Variants in CCSER2 observed in about 807,000 individuals in gnomAD.
The protein encoded by CCSER2 is coiled-coil serine rich protein 2, also known as serine-rich coiled-coil domain-containing protein 2.
A neutral mutation model predicts 92.3 loss-of-function variants in CCSER2; 46 were observed. The ratio of observed to expected loss-of-function variants is 0.50; its 90% CI spans 0.39 to 0.64. The LOEUF is 0.64. Ranked by LOEUF, CCSER2 falls within the 30% of genes least tolerant of loss-of-function variation. The pLI is 0.00. For synonymous variants in CCSER2, 433 were observed against 431.4 expected, an observed-to-expected ratio of 1.00 and a Z score of -0.04; for missense variants, 1,244 against 1,238.9, an observed-to-expected ratio of 1.00 and a Z score of -0.06.
intron 8 of CCSER2, among the ~76,000 whole-genome samples, chr10:84,472,482 C>G (rs1846873310): frequency 6.6e-6 from 1 of 152,002 alleles, no homozygotes; most frequent in Non-Finnish European, 1.5e-5. Flanking sequence ...TGAGGCAGAA[C>G]AATCACTTGA....
chr10:84,493,970 A>G (rs1429843893), intron 9 of CCSER2, among the ~76,000 whole-genome samples: 1 of 152,200 alleles, frequency 6.6e-6, no homozygotes, highest in African/African-American at 2.4e-5. Context: ...CATAAGGAGC[A>G]AGCAACCTAG....
intron 3 of CCSER2, chr10:84,391,739 A>T: frequency 6.7e-7 from 1 of 1,499,452 alleles, no homozygotes; most frequent in Admixed American, 1.7e-5. Flanking sequence ...GGTGGCCCCC[A>T]TGCTACAGCA....
chr10:84,509,098 G>T (rs890292507), intron 9 of CCSER2, among the ~76,000 whole-genome samples: 11 of 152,130 alleles, frequency 7.2e-5, no homozygotes, highest in East Asian at 1.9e-4. Context: ...AGTATTTCCT[G>T]CTATCCTTCT....
chr10:84,497,639 GTT>G (rs1243774799), intron 9 of CCSER2, among the ~76,000 whole-genome samples: 1 of 152,146 alleles, frequency 6.6e-6, no homozygotes, highest in Non-Finnish European at 1.5e-5. Flanking sequence ...TCAGTAAATA[GTT>G]AACTTAGTGT....
At chr10:84,419,263 G>T (rs1843019197) in intron 4 of CCSER2, among the ~76,000 whole-genome samples, 1 of 151,062 alleles carries the variant, frequency 6.6e-6, no homozygotes, top group African/African-American at 2.4e-5. Context: ...GTATTCTAAA[G>T]AACTGCTTAG....
At chr10:84,419,410 C>T (rs1843032535) in intron 4 of CCSER2, among the ~76,000 whole-genome samples, 1 of 151,842 alleles carries the variant, frequency 6.6e-6, no homozygotes, top group Non-Finnish European at 1.5e-5. Flanking sequence ...GCTAACCTGA[C>T]AACTATCTTC....
intron 9 of CCSER2, among the ~76,000 whole-genome samples, chr10:84,503,724 T>G (rs1041004852): frequency 2.6e-5 from 4 of 152,190 alleles, no homozygotes; most frequent in African/African-American, 4.8e-5. Flanking sequence ...TTGATAAATT[T>G]AGAAATCCTA....
At chr10:84,386,640 AC>A (rs1344593682) in intron 3 of CCSER2, among the ~76,000 whole-genome samples, 5 of 152,120 alleles carry the variant, frequency 3.3e-5, no homozygotes, top group Admixed American at 3.3e-4. Flanking sequence ...AATCACTCGA[AC>A]CCAGGCAGAG....
rs529686415 is a variant in CCSER2, at chr10:84,501,080, A to C, written c.2326-12369A>C. Among the ~76,000 whole-genome samples the C allele has an allele frequency of 3.3e-5, 5 of 152,254 alleles. No homozygotes were observed. In the East Asian group the frequency reaches 9.7e-4, roughly 29 times the overall value. ...CAAGTTCGTTTGTTTACTGGAAGCAATGAGAAAAGGAGTTTTTTTGTCCTC... is the reference window on the plus strand; with the variant it reads ...CAAGTTCGTTTGTTTACTGGAAGCACTGAGAAAAGGAGTTTTTTTGTCCTC... On this transcript the variant is annotated intron_variant, in intron 9 of 9. Coordinates refer to ENST00000372088, the MANE Select transcript of CCSER2 (RefSeq NM_001284240.2).
At chr10:84,365,969 C>T (rs544798810) in intron 1 of CCSER2, among the ~76,000 whole-genome samples, 3 of 152,268 alleles carry the variant, frequency 2.0e-5, no homozygotes, top group African/African-American at 7.2e-5. Flanking sequence ...AGACCATTAT[C>T]AAAAATGAGG....
chr10:84,356,257 A>G (rs17256160), intron 1 of CCSER2, among the ~76,000 whole-genome samples: 2 of 152,066 alleles, frequency 1.3e-5, no homozygotes, highest in African/African-American at 4.8e-5. Flanking sequence ...AGAGGCAAAC[A>G]TTGCACCTAA....
At chr10:84,441,326 A>G (rs940482429) in intron 6 of CCSER2, among the ~76,000 whole-genome samples, 2 of 152,086 alleles carry the variant, frequency 1.3e-5, no homozygotes, top group Admixed American at 6.5e-5. Flanking sequence ...CATATTTTCA[A>G]TTTCCAAGAA....
chr10:84,426,931 A>G (rs1239171376), intron 5 of CCSER2, among the ~76,000 whole-genome samples: 3 of 152,228 alleles, frequency 2.0e-5, no homozygotes, highest in African/African-American at 7.2e-5. Flanking sequence ...AAGAAAAGAG[A>G]GGGTCCCTGG....
chr10:84,341,745 G>A (rs1844199898), intron 1 of CCSER2, among the ~76,000 whole-genome samples: 1 of 152,148 alleles, frequency 6.6e-6, no homozygotes, highest in Non-Finnish European at 1.5e-5. Flanking sequence ...GGGTTCCCAT[G>A]ACCCCCTTCT....
intron 3 of CCSER2, among the ~76,000 whole-genome samples, chr10:84,385,894 G>A (rs1272539656): frequency 2.0e-5 from 3 of 151,552 alleles, no homozygotes; most frequent in Admixed American, 6.6e-5. Context: ...GAAAAAAAAT[G>A]TATAACTCCA....
At chr10:84,458,173 T>C (rs945995275) in intron 6 of CCSER2, among the ~76,000 whole-genome samples, 1 of 152,230 alleles carries the variant, frequency 6.6e-6, no homozygotes, top group African/African-American at 2.4e-5. Flanking sequence ...TTTTATAGTT[T>C]TAAGTTTGAA....
intron 6 of CCSER2, among the ~76,000 whole-genome samples, chr10:84,457,596 TATTTATATATTATATATAATTATA>T (rs1845827061): frequency 8.5e-6 from 1 of 117,268 alleles, no homozygotes. Context: ...TATAATTATA[TATTTATATATTATATATAATTATA>T]TATTTATATA....
chr10:84,503,226 C>CA (rs112148812), intron 9 of CCSER2, among the ~76,000 whole-genome samples: 15,207 of 149,812 alleles, frequency 0.1, 922 homozygotes, highest in Admixed American at 0.15. Context: ...GACTCTGTCT[C>CA]AAAAAAAAAG....
At chr10:84,428,418 G>C (rs1843559293) in intron 5 of CCSER2, among the ~76,000 whole-genome samples, 1 of 152,152 alleles carries the variant, frequency 6.6e-6, no homozygotes, top group African/African-American at 2.4e-5. Context: ...AGATAAGCAG[G>C]AATGCTTACA....
Sources: allele counts gnomAD v4.1 joint callset (sites outside exome capture counted in the v4.1 genomes callset), GRCh38; gene constraint gnomAD v4.1.1; transcripts MANE v1.5; gene names NCBI Gene and HGNC (gene_info 2026-07-23, HGNC 2026-07-21).